Variants in RIMS2 observed in about 807,000 individuals in gnomAD.
The protein encoded by RIMS2 is regulating synaptic membrane exocytosis 2.
A neutral mutation model predicts 174.4 loss-of-function variants in RIMS2; 59 were observed. The observed-to-expected ratio is 0.34, with a 90% CI of 0.27 to 0.42. The LOEUF (loss-of-function observed/expected upper bound fraction) is 0.42. Among genes scored for constraint, RIMS2 ranks in the 10% least tolerant of loss-of-function variants. The pLI is 1.00. For synonymous variants in RIMS2, 606 were observed against 572.5 expected, an observed-to-expected ratio of 1.06 and a Z score of -0.84; for missense variants, 1,620 against 1,666.3, an observed-to-expected ratio of 0.97 and a Z score of 0.48.
At chr8:103,744,702 AGAG>A (rs373234257) in intron 2 of RIMS2, among the ~76,000 whole-genome samples, 137 of 152,318 alleles carry the variant, frequency 9.0e-4, no homozygotes, top group African/African-American at 3.2e-3. Context: ...CCTAACCTGA[AGAG>A]GAGAGACAGG....
At chr8:104,058,809 C>T (rs2096922094) in intron 19 of RIMS2, among the ~76,000 whole-genome samples, 1 of 152,162 alleles carries the variant, frequency 6.6e-6, no homozygotes, top group Non-Finnish European at 1.5e-5. Flanking sequence ...TTCCCAGCAC[C>T]ATTTATTAAA....
intron 2 of RIMS2, among the ~76,000 whole-genome samples, chr8:103,763,997 G>A (rs2098139931): frequency 6.6e-6 from 1 of 152,122 alleles, no homozygotes; most frequent in African/African-American, 2.4e-5. Flanking sequence ...TGGAGGGTTT[G>A]GGGAAAAAAT....
At chr8:104,169,715 G>T (rs769730576) in intron 19 of RIMS2, among the ~76,000 whole-genome samples, 5 of 151,710 alleles carry the variant, frequency 3.3e-5, no homozygotes, top group Non-Finnish European at 7.4e-5. Context: ...TCTTCTACTG[G>T]GTTTGGGTTT....
chr8:103,757,008 T>TGAGA (rs1366398161), intron 2 of RIMS2, among the ~76,000 whole-genome samples: 2 of 123,144 alleles, frequency 1.6e-5, no homozygotes, highest in African/African-American at 6.4e-5. Flanking sequence ...TGTGTGTGTG[T>TGAGA]GTGAGAGAGA....
chr8:104,210,274 AT>A, intron 19 of RIMS2, among the ~76,000 whole-genome samples: 1 of 152,202 alleles, frequency 6.6e-6, no homozygotes, highest in Non-Finnish European at 1.5e-5. Flanking sequence ...CAATTTCTGG[AT>A]TTTACAGTGA....
chr8:104,006,044 A>G (rs1308437875), intron 17 of RIMS2, among the ~76,000 whole-genome samples: 1 of 152,092 alleles, frequency 6.6e-6, no homozygotes, highest in Non-Finnish European at 1.5e-5. Context: ...ATCATTTTTA[A>G]TCTTAATTTC....
intron 1 of RIMS2, among the ~76,000 whole-genome samples, chr8:103,566,218 G>T (rs537767884): frequency 5.3e-5 from 8 of 152,212 alleles, no homozygotes; most frequent in Admixed American, 1.3e-4. Context: ...GTTTGTCAGG[G>T]TCTTATTGGC....
At chr8:103,601,772 TA>T (rs893604718) in intron 1 of RIMS2, among the ~76,000 whole-genome samples, 1 of 152,114 alleles carries the variant, frequency 6.6e-6, no homozygotes, top group Non-Finnish European at 1.5e-5. Flanking sequence ...CCTCTGGTTT[TA>T]TGATTTACTT....
chr8:103,751,794 G>C lies in RIMS2; in HGVS notation c.388-14433G>C, dbSNP rs914258613. On this transcript the variant is annotated intron_variant, in intron 2 of 23. Transcript: ENST00000504942. ...CCTTCGCCCACTTTTTGATGGGGTT[G>C]TTTGTTTTTTTCTTGTAAATTTGTT... Among the ~76,000 whole-genome samples the C allele has an allele frequency of 4.0e-4, 61 of 151,034 alleles. 2 individuals carry two copies. The highest frequency in any genetic ancestry group is 1.0e-4 in the Non-Finnish European group (7 of 67,804).
At chr8:103,909,558 A>G (rs1325728150) in intron 4 of RIMS2, among the ~76,000 whole-genome samples, 2 of 152,192 alleles carry the variant, frequency 1.3e-5, no homozygotes, top group African/African-American at 4.8e-5. Flanking sequence ...TATAATTTTC[A>G]TACAAATTAA....
chr8:103,551,499 A>G (rs971491059), intron 1 of RIMS2, among the ~76,000 whole-genome samples: 10 of 152,176 alleles, frequency 6.6e-5, no homozygotes, highest in African/African-American at 1.9e-4. Flanking sequence ...TATCATACTG[A>G]ATGTACAAAA....
At chr8:103,654,289 G>C (rs2096495432) in intron 1 of RIMS2, among the ~76,000 whole-genome samples, 1 of 151,892 alleles carries the variant, frequency 6.6e-6, no homozygotes, top group Admixed American at 6.6e-5. Flanking sequence ...ATGATATTTA[G>C]ATTATTGTAA....
At chr8:103,616,224 C>CA (rs1258374402) in intron 1 of RIMS2, among the ~76,000 whole-genome samples, 2 of 152,056 alleles carry the variant, frequency 1.3e-5, no homozygotes, top group African/African-American at 2.4e-5. Context: ...ATGTAAAAAT[C>CA]AATAAATATG....
chr8:104,246,284 G>A (rs1281059309), intron 20 of RIMS2, among the ~76,000 whole-genome samples: 1 of 152,132 alleles, frequency 6.6e-6, no homozygotes, highest in East Asian at 1.9e-4. Flanking sequence ...TATGGGCTTT[G>A]CAGTCATATA....
At chr8:103,914,191 C>G (rs1192915206) in intron 6 of RIMS2, among the ~76,000 whole-genome samples, 1 of 152,100 alleles carries the variant, frequency 6.6e-6, no homozygotes, top group Non-Finnish European at 1.5e-5. Flanking sequence ...TGCTTGAGCC[C>G]AGGGTTTCAA....
intron 19 of RIMS2, among the ~76,000 whole-genome samples, chr8:104,016,941 T>C (rs1268869494): frequency 6.6e-6 from 1 of 151,998 alleles, no homozygotes; most frequent in East Asian, 1.9e-4. Context: ...AGTTTTCCTT[T>C]AAAGTCCCCA....
At chr8:103,857,285 A>G (rs998800913) in intron 3 of RIMS2, among the ~76,000 whole-genome samples, 1 of 152,176 alleles carries the variant, frequency 6.6e-6, no homozygotes, top group Non-Finnish European at 1.5e-5. Flanking sequence ...TTATTGAGCT[A>G]TTTGCTTATT....
chr8:104,133,479 A>G (rs1332898812), intron 19 of RIMS2, among the ~76,000 whole-genome samples: 1 of 152,218 alleles, frequency 6.6e-6, no homozygotes, highest in East Asian at 1.9e-4. Context: ...TATTTGGAAG[A>G]TAAGGGAATT....
chr8:103,834,056 T>C, intron 3 of RIMS2, among the ~76,000 whole-genome samples: 1 of 151,960 alleles, frequency 6.6e-6, no homozygotes, highest in South Asian at 2.1e-4. Flanking sequence ...GTTGCCCAGG[T>C]TGAAGTGCAG....
Sources: gnomAD v4.1 joint callset for allele counts (sites outside exome capture counted in the v4.1 genomes callset) on GRCh38, gnomAD v4.1.1 for gene constraint, MANE v1.5 for transcripts, NCBI Gene and HGNC (gene_info 2026-07-23, HGNC 2026-07-21) for gene names.